Variants in DGLUCY observed in about 807,000 individuals in gnomAD.
DGLUCY encodes the protein D-glutamate cyclase, mitochondrial.
DGLUCY carries 58 observed loss-of-function variants against 58.5 expected under a neutral mutation model. The observed-to-expected ratio is 0.99, with a 90% CI of 0.80 to 1.23. The LOEUF is 1.23. DGLUCY is among the 50% of genes most tolerant of loss of function. The pLI is 0.00. For synonymous variants in DGLUCY, 325 were observed against 314.1 expected (o/e 1.03, Z -0.37); for missense variants, 779 against 784.7 (o/e 0.99, Z 0.09).
intron 1 of DGLUCY, among the ~76,000 whole-genome samples, chr14:91,101,410 A>G (rs1259197415): frequency 1.3e-5 from 2 of 152,224 alleles, no homozygotes; most frequent in Middle Eastern, 3.4e-3. Flanking sequence ...TTTTCACTTC[A>G]TTTGAGAGCC....
intron 12 of DGLUCY, among the ~76,000 whole-genome samples, chr14:91,211,024 C>G (rs1885601686): frequency 6.6e-6 from 1 of 152,044 alleles, no homozygotes; most frequent in Non-Finnish European, 1.5e-5. Flanking sequence ...TTGCAAGATA[C>G]AAAGTTAAAT....
intron 1 of DGLUCY, among the ~76,000 whole-genome samples, chr14:91,152,750 G>A (rs2047397302): frequency 6.6e-6 from 1 of 152,176 alleles, no homozygotes; most frequent in African/African-American, 2.4e-5. Flanking sequence ...GGACTCTGGG[G>A]AAGTGATCCA....
chr14:91,145,588 A>G lies in DGLUCY; in HGVS notation c.-81-12051A>G, dbSNP rs115999807. ...GAGAACCAAGACGGGGTTGACACCA[A>G]TGGTACCCACAGAGCATCCTTGTCC... On this transcript the variant is annotated intron_variant, in intron 1 of 13. Transcript: ENST00000256324. Among the ~76,000 whole-genome samples the G allele has an allele frequency of 1.6e-3, 242 of 152,192 alleles. 2 individuals carry two copies. The highest frequency in any genetic ancestry group is 5.6e-3 in the African/African-American group (233 of 41,542).
intron 10 of DGLUCY, among the ~76,000 whole-genome samples, chr14:91,197,542 T>C (rs1347941552): frequency 1.3e-5 from 2 of 152,252 alleles, no homozygotes; most frequent in African/African-American, 4.8e-5. Flanking sequence ...TCAAAGATAA[T>C]TCTCCATCTC....
At chr14:91,211,412 T>C (rs1885658717) in intron 12 of DGLUCY, among the ~76,000 whole-genome samples, 1 of 152,232 alleles carries the variant, frequency 6.6e-6, no homozygotes, top group African/African-American at 2.4e-5. Flanking sequence ...GGACTGACAC[T>C]ACCTGACTTT....
In DGLUCY at chr14:91,160,258, T is replaced by A; in HGVS notation, c.-29-8T>A. The A allele has an allele frequency of 6.5e-7, 1 of 1,536,342 alleles. No homozygotes were observed. The highest frequency in any genetic ancestry group is 9.0e-7 in the Non-Finnish European group (1 of 1,110,024). ...TTCTAATTTGTTCCCTTTCCTTCCC[T>A]CACCCAGATTCTCTGCTACTTATTC... On this transcript the variant is annotated splice_region_variant and splice_polypyrimidine_tract_variant and intron_variant, in intron 2 of 13. Coordinates refer to ENST00000256324, the MANE Select transcript of DGLUCY (RefSeq NM_001102368.3).
chr14:91,157,223 A>G (rs187095679), intron 1 of DGLUCY, among the ~76,000 whole-genome samples: 4 of 114,146 alleles, frequency 3.5e-5, no homozygotes, highest in African/African-American at 1.7e-4. Flanking sequence ...GGGTGGATGG[A>G]TGGATGGGTG....
At chr14:91,081,147 G>A (rs546868223) in intron 1 of DGLUCY, among the ~76,000 whole-genome samples, 1 of 151,980 alleles carries the variant, frequency 6.6e-6, no homozygotes, top group Non-Finnish European at 1.5e-5. Context: ...AGCTTGCAGT[G>A]AGCCAAGATC....
At chr14:91,087,907 A>G (rs773264774) in intron 1 of DGLUCY, among the ~76,000 whole-genome samples, 1 of 152,262 alleles carries the variant, frequency 6.6e-6, no homozygotes, top group Non-Finnish European at 1.5e-5. Context: ...CCAGGGAACA[A>G]GAAATGCTTT....
chr14:91,194,245 T>C (rs1364138804), intron 9 of DGLUCY, among the ~76,000 whole-genome samples: 2 of 152,148 alleles, frequency 1.3e-5, no homozygotes, highest in South Asian at 2.1e-4. Flanking sequence ...AACCAATGGC[T>C]GACATAGCTT....
At chr14:91,211,885 C>A (rs1885728906) in intron 12 of DGLUCY, among the ~76,000 whole-genome samples, 1 of 152,182 alleles carries the variant, frequency 6.6e-6, no homozygotes, top group Non-Finnish European at 1.5e-5. Context: ...ACTGCAACCT[C>A]CACCTCCTGG....
intron 1 of DGLUCY, among the ~76,000 whole-genome samples, chr14:91,099,995 C>T (rs78015858): frequency 0.018 from 2,583 of 142,920 alleles, 77 homozygotes; most frequent in African/African-American, 0.065. Flanking sequence ...CAATAGGTTG[C>T]GGTGAGCCAA....
rs915981144 is a variant in DGLUCY, at chr14:91,160,314, T to A, written c.20T>A (p.Leu7Gln). The A allele has an allele frequency of 3.7e-6, 6 of 1,611,460 alleles. No homozygotes were observed. Among genetic ancestry groups the A allele is most frequent in the African/African-American group, 1.3e-5 (1 of 74,308 alleles). MPFTLH[L>Q]RSRLPSAIRS... ...GACACGATGCCCTTCACACTCCACC[T>A]GAGGTCCCGCCTTCCCTCTGCCATA... The change falls in exon 3 of 14, where the codon CTG becomes CAG. Residue 7 changes from leucine to glutamine, a missense_variant. By Grantham distance (113) the Leu-to-Gln change is moderately radical. Coordinates refer to ENST00000256324, the MANE Select transcript of DGLUCY (RefSeq NM_001102368.3).
intron 11 of DGLUCY, among the ~76,000 whole-genome samples, chr14:91,204,463 A>G (rs997430712): frequency 6.6e-6 from 1 of 152,146 alleles, no homozygotes; most frequent in Non-Finnish European, 1.5e-5. Context: ...TTTGCTGGAG[A>G]ATGTGACCCA....
Position 91,142,840 on chromosome 14 carries a change from AACACACACACACACAC to A in DGLUCY, c.-81-14772_-81-14757del, listed in dbSNP as rs558892923. Among the ~76,000 whole-genome samples the A allele has an allele frequency of 1.9e-3, 231 of 124,302 alleles. 2 individuals carry two copies. The highest frequency in any genetic ancestry group is 5.5e-3 in the African/African-American group (181 of 32,924). 81.5% of individuals were successfully genotyped at this position (124,302 alleles called of 152,430 possible). On this transcript the variant is annotated intron_variant, in intron 1 of 13. Coordinates refer to ENST00000256324, the MANE Select transcript of DGLUCY (RefSeq NM_001102368.3). ...CACACACAACACACCATCTCTACTAAACACACACACACACACACACACACACACACACACACACACA... is the reference window on the plus strand; with the variant it reads ...CACACACAACACACCATCTCTACTAAACACACACACACACACACACACACA...
At chr14:91,145,991 G>A (rs1184153289) in intron 1 of DGLUCY, among the ~76,000 whole-genome samples, 1 of 152,030 alleles carries the variant, frequency 6.6e-6, no homozygotes, top group Non-Finnish European at 1.5e-5. Flanking sequence ...CAATCCTCCC[G>A]CATCAGTCTC....
At chr14:91,146,667 C>G (rs74083976) in intron 1 of DGLUCY, among the ~76,000 whole-genome samples, 2,062 of 152,214 alleles carry the variant, frequency 0.014, 40 homozygotes, top group African/African-American at 0.047. Context: ...GGCTAGTAAG[C>G]CTCTTGTTTT....
chr14:91,189,042 C>T lies in DGLUCY; in HGVS notation c.1067C>T (p.Thr356Ile), dbSNP rs200668165. 1 of 1,614,208 alleles carries T rather than the reference C, an allele frequency of 6.2e-7. No homozygotes were observed. Among genetic ancestry groups the T allele is most frequent in the East Asian group, 2.2e-5 (1 of 44,882 alleles). The change falls in exon 9 of 14, where the codon ACA becomes ATA. Residue 356 changes from threonine (T) to isoleucine (I), a missense_variant. Physicochemically the swap from Thr to Ile is moderately conservative, Grantham distance 89. Coordinates refer to ENST00000256324, the MANE Select transcript of DGLUCY (RefSeq NM_001102368.3). ...THFNHEPPEE[T>I]DGPPGAVALV... ...TTCAATCATGAGCCTCCAGAAGAGA[C>T]AGATGGCCCACCAGGAGCTGTTGCT...
chr14:91,071,210 G>A (rs1368522231), intron 1 of DGLUCY, among the ~76,000 whole-genome samples: 1 of 151,564 alleles, frequency 6.6e-6, no homozygotes, highest in Non-Finnish European at 1.5e-5. Flanking sequence ...GGTGGCACGC[G>A]CCTGTATTCC....
Sources: allele counts gnomAD v4.1 joint callset (sites outside exome capture counted in the v4.1 genomes callset), GRCh38; gene constraint gnomAD v4.1.1; transcripts MANE v1.5; gene names NCBI Gene and HGNC (gene_info 2026-07-23, HGNC 2026-07-21).